The following TRPM3 variants were observed in gnomAD, a reference collection of about 807,000 sequenced individuals.
TRPM3 encodes the protein transient receptor potential cation channel subfamily M member 3.
In TRPM3, 77 loss-of-function variants were observed where a neutral mutation model predicts 181.2. That is an observed-to-expected ratio of 0.42 (90% CI 0.35 to 0.51). The LOEUF (loss-of-function observed/expected upper bound fraction) is 0.51, where lower values mean the gene tolerates loss of function less well. Ranked by LOEUF, TRPM3 falls within the 20% of genes least tolerant of loss-of-function variation. TRPM3 has a pLI of 0.01. For missense variants in TRPM3, 1,759 were observed against 2,196.7 expected (o/e 0.80, Z 3.98); for synonymous variants, 745 against 796.4 (o/e 0.94, Z 1.09).
At chr9:71,369,729 T>C (rs760036935) in intron 1 of TRPM3, among the ~76,000 whole-genome samples, 6 of 152,212 alleles carry the variant, frequency 3.9e-5, no homozygotes, top group Non-Finnish European at 8.8e-5. Context: ...TAGGTGTGTT[T>C]ACTTTGTAAA....
intron 1 of TRPM3, among the ~76,000 whole-genome samples, chr9:71,260,522 T>C (rs1283786187): frequency 1.3e-5 from 2 of 152,230 alleles, no homozygotes; most frequent in African/African-American, 4.8e-5. Context: ...GAGCATGAAA[T>C]GTTTTTCCAT....
chr9:70,784,196 C>CA lies in TRPM3; in HGVS notation c.1056_1057insT (p.Asp353Ter). 6.2e-7 allele frequency: 1 copy of CA among 1,613,742 alleles called. No homozygotes were observed. The highest frequency in any genetic ancestry group is 8.5e-7 in the Non-Finnish European group (1 of 1,179,822). ...ACAACCACTGGCACGGGAGGGGTGT[C>CA]TCGAAGGTACTCCAAAACAATCGAG... On this transcript the variant is annotated frameshift_variant, in exon 7 of 26. Transcript: ENST00000677713. LOFTEE classifies it high-confidence loss of function.
intron 7 of TRPM3, among the ~76,000 whole-genome samples, chr9:70,769,352 T>G (rs1363224134): frequency 1.3e-5 from 2 of 152,120 alleles, no homozygotes; most frequent in African/African-American, 4.8e-5. Flanking sequence ...CCTGACCTCA[T>G]CACTCAAAAC....
At chr9:71,236,794 C>G (rs1213580405) in intron 1 of TRPM3, among the ~76,000 whole-genome samples, 1 of 152,098 alleles carries the variant, frequency 6.6e-6, no homozygotes, top group African/African-American at 2.4e-5. Flanking sequence ...CGCCTGTAAT[C>G]CCAGCACTTT....
intron 6 of TRPM3, among the ~76,000 whole-genome samples, chr9:70,795,924 G>A (rs1211838988): frequency 6.6e-6 from 1 of 152,218 alleles, no homozygotes; most frequent in Non-Finnish European, 1.5e-5. Flanking sequence ...TGGGCTGTAA[G>A]ACAAGTATTA....
intron 21 of TRPM3, among the ~76,000 whole-genome samples, chr9:70,592,664 A>G (rs2058320188): frequency 6.6e-6 from 1 of 152,230 alleles, no homozygotes; most frequent in South Asian, 2.1e-4. Flanking sequence ...TCCACAAAAA[A>G]AAGCCTAATG....
intron 1 of TRPM3, among the ~76,000 whole-genome samples, chr9:70,941,026 G>A (rs1020094468): frequency 6.6e-6 from 1 of 152,208 alleles, no homozygotes; most frequent in Non-Finnish European, 1.5e-5. Flanking sequence ...TCACTGTGTG[G>A]TGTGGAGGAA....
At chr9:70,669,316 C>G (rs910993334) in intron 9 of TRPM3, among the ~76,000 whole-genome samples, 1 of 152,154 alleles carries the variant, frequency 6.6e-6, no homozygotes, top group Non-Finnish European at 1.5e-5. Flanking sequence ...GTCATAATCC[C>G]GAAAAATCTT....
intron 1 of TRPM3, among the ~76,000 whole-genome samples, chr9:71,235,544 G>A (rs777869818): frequency 3.3e-5 from 5 of 152,152 alleles, no homozygotes; most frequent in African/African-American, 1.2e-4. Flanking sequence ...TCTGACAGAT[G>A]GAACAGATAA....
At chr9:71,168,954 A>T (rs1276166543) in intron 1 of TRPM3, among the ~76,000 whole-genome samples, 4 of 152,082 alleles carry the variant, frequency 2.6e-5, no homozygotes, top group Admixed American at 6.6e-5. Context: ...ATTTCCTCAT[A>T]ATTAACAAAG....
chr9:71,084,963 G>A (rs1021728124), intron 1 of TRPM3, among the ~76,000 whole-genome samples: 1 of 151,978 alleles, frequency 6.6e-6, no homozygotes, highest in African/African-American at 2.4e-5. Context: ...AGAGGACCCA[G>A]AAGTAAAGCC....
chr9:71,389,439 C>T (rs2093007591), intron 1 of TRPM3, among the ~76,000 whole-genome samples: 1 of 152,040 alleles, frequency 6.6e-6, no homozygotes, highest in African/African-American at 2.4e-5. Flanking sequence ...CCCTAAAGAA[C>T]TAAAAGTAGA....
At chr9:70,546,411 T>C (rs761126713) in intron 25 of TRPM3, among the ~76,000 whole-genome samples, 50 of 152,154 alleles carry the variant, frequency 3.3e-4, no homozygotes, top group Non-Finnish European at 1.0e-4. Flanking sequence ...TGAGACCTGT[T>C]AAAGACTGAG....
At chr9:71,342,023 G>T (rs563496488) in intron 1 of TRPM3, among the ~76,000 whole-genome samples, 1 of 151,808 alleles carries the variant, frequency 6.6e-6, no homozygotes, top group Non-Finnish European at 1.5e-5. Flanking sequence ...TTTAAGAATG[G>T]TCCTTATGCA....
chr9:70,805,168 A>G (rs1469255115), intron 6 of TRPM3, among the ~76,000 whole-genome samples: 1 of 141,846 alleles, frequency 7.0e-6, no homozygotes, highest in African/African-American at 2.5e-5. Context: ...TGATCATGAA[A>G]GAGAGGGAGA....
chr9:71,426,622 T>G (rs369160329), intron 1 of TRPM3, among the ~76,000 whole-genome samples: 22 of 152,298 alleles, frequency 1.4e-4, no homozygotes, highest in East Asian at 7.7e-4. Flanking sequence ...CATTTAAAAT[T>G]ATTAATTTCT....
chr9:70,921,630 T>C (rs1368526411), intron 1 of TRPM3, among the ~76,000 whole-genome samples: 1 of 152,210 alleles, frequency 6.6e-6, no homozygotes, highest in Non-Finnish European at 1.5e-5. Context: ...TTGATACGTG[T>C]CTCTAGGAGG....
intron 1 of TRPM3, among the ~76,000 whole-genome samples, chr9:71,117,716 G>C (rs2072724304): frequency 6.6e-6 from 1 of 152,142 alleles, no homozygotes; most frequent in South Asian, 2.1e-4. Context: ...ATTGCTTAAA[G>C]TGAGCAAACT....
chr9:70,759,246 T>C (rs1214956750), intron 8 of TRPM3, among the ~76,000 whole-genome samples: 1 of 152,198 alleles, frequency 6.6e-6, no homozygotes, highest in African/African-American at 2.4e-5. Context: ...TCATCATCAC[T>C]GGTCATTAGA....
Sources: allele counts gnomAD v4.1 joint callset (sites outside exome capture counted in the v4.1 genomes callset), GRCh38; gene constraint gnomAD v4.1.1; transcripts MANE v1.5; gene names NCBI Gene and HGNC (gene_info 2026-07-23, HGNC 2026-07-21).